Variants in PLD5 observed in about 807,000 individuals in gnomAD.
PLD5 encodes phospholipase D family member 5, also known as inactive phospholipase D5.
PLD5 carries 36 observed loss-of-function variants against 61.1 expected under a neutral mutation model. The ratio of observed to expected loss-of-function variants is 0.59; its 90% CI spans 0.45 to 0.78. The LOEUF (loss-of-function observed/expected upper bound fraction) is 0.78, where lower values mean the gene tolerates loss of function less well. Among genes scored for constraint, PLD5 ranks in the 30% least tolerant of loss-of-function variants. PLD5 has a pLI of 0.00. For missense variants in PLD5, 515 were observed against 644.4 expected (o/e 0.80, Z 2.17); for synonymous variants, 243 against 242.8 (o/e 1.00, Z -0.01).
At position 242,493,395 on chromosome 1, in the gene PLD5, C is replaced by T. The variant is rs548960290; in HGVS notation, c.189+30693G>A. Among the ~76,000 whole-genome samples, 101 of 152,246 alleles carry T rather than the reference C, an allele frequency of 6.6e-4. 1 individual carries two copies. Among genetic ancestry groups the T allele is most frequent in the Non-Finnish European group, 9.9e-4 (67 of 68,018 alleles). The stretch of plus-strand genomic sequence containing the variant: ...AAGCCTCGACATGCAGGGGTCAGAA[C>T]AGGAGGAGAGAGGCGAGCACCGGGT... On this transcript the variant is annotated intron_variant, in intron 1 of 9. Transcript: ENST00000536534.
At chr1:242,456,490 T>G (rs1409663205) in intron 1 of PLD5, among the ~76,000 whole-genome samples, 1 of 152,078 alleles carries the variant, frequency 6.6e-6, no homozygotes, top group Non-Finnish European at 1.5e-5. Context: ...AAAAAGAAAA[T>G]AAAATCTGTT....
intron 2 of PLD5, among the ~76,000 whole-genome samples, chr1:242,300,988 C>G (rs967094447): frequency 1.3e-5 from 2 of 152,144 alleles, no homozygotes; most frequent in African/African-American, 2.4e-5. Context: ...TGATGTCACG[C>G]GAGCTTGCCT....
intron 2 of PLD5, among the ~76,000 whole-genome samples, chr1:242,297,113 A>G (rs752217798): frequency 2.6e-5 from 4 of 152,114 alleles, no homozygotes; most frequent in Non-Finnish European, 4.4e-5. Flanking sequence ...TGGGAGGCCA[A>G]GGCAAGCAGA....
At chr1:242,316,970 T>C (rs1450269747) in intron 2 of PLD5, among the ~76,000 whole-genome samples, 1 of 152,180 alleles carries the variant, frequency 6.6e-6, no homozygotes, top group African/African-American at 2.4e-5. Context: ...CTGTATAGTA[T>C]TCCATGGTGT....
upstream of PLD5, among the ~76,000 whole-genome samples, chr1:242,528,559 G>A (rs189961475): frequency 6.6e-6 from 1 of 152,122 alleles, no homozygotes; most frequent in African/African-American, 2.4e-5. Context: ...CAAGAAGTGG[G>A]AGTATTTTAT....
chr1:242,464,700 T>C (rs1023291914), intron 1 of PLD5, among the ~76,000 whole-genome samples: 1 of 152,156 alleles, frequency 6.6e-6, no homozygotes, highest in Admixed American at 6.5e-5. Context: ...GAAACAAACA[T>C]ACATTTTCAT....
intron 5 of PLD5, among the ~76,000 whole-genome samples, chr1:242,197,023 T>C (rs1027569846): frequency 6.6e-6 from 1 of 152,040 alleles, no homozygotes; most frequent in Non-Finnish European, 1.5e-5. Flanking sequence ...CTCAGCCTCC[T>C]GAGTAAATGC....
intron 1 of PLD5, among the ~76,000 whole-genome samples, chr1:242,364,452 C>T (rs1350025372): frequency 2.6e-5 from 4 of 152,176 alleles, no homozygotes; most frequent in Non-Finnish European, 1.5e-5. Flanking sequence ...AGCAGTGGCT[C>T]ACATCTGTAA....
chr1:242,394,771 TATATATGTGTATATATGTGA>T lies in PLD5; in HGVS notation c.190-46549_190-46530del, dbSNP rs1663330701. Reference sequence around the variant, plus strand: ...GAACATATATGTGTATATATGTGAATATATATGTGTATATATGTGAATATATATGTGTATATATGTGAATA... The same window carrying T: ...GAACATATATGTGTATATATGTGAATATATATATGTGTATATATGTGAATA... On this transcript the variant is annotated intron_variant, in intron 1 of 9. Coordinates refer to ENST00000536534, the MANE Select transcript of PLD5 (RefSeq NM_001372062.1). Among the ~76,000 whole-genome samples, 6 of 28,154 alleles carry T rather than the reference TATATATGTGTATATATGTGA, an allele frequency of 2.1e-4. 2 individuals carry two copies. Among genetic ancestry groups the T allele is most frequent in the Admixed American group, 2.1e-3 (6 of 2,852 alleles). 18.5% of individuals were successfully genotyped at this position (28,154 alleles called of 152,430 possible). A position where few individuals can be genotyped will look rare whatever the true frequency, so the allele number is the denominator to read the frequency against.
intron 3 of PLD5, among the ~76,000 whole-genome samples, chr1:242,270,509 T>C (rs1448128988): frequency 6.6e-6 from 1 of 152,170 alleles, no homozygotes; most frequent in East Asian, 1.9e-4. Context: ...TTTGTTATGT[T>C]AAAGTCGGAA....
At chr1:242,153,374 T>G (rs1665095173) in intron 5 of PLD5, among the ~76,000 whole-genome samples, 1 of 150,554 alleles carries the variant, frequency 6.6e-6, no homozygotes, top group Non-Finnish European at 1.5e-5. Flanking sequence ...ATTTGTCAAT[T>G]TTGGCTTTTG....
chr1:242,298,478 T>G (rs577985800), intron 2 of PLD5, among the ~76,000 whole-genome samples: 1 of 152,202 alleles, frequency 6.6e-6, no homozygotes, highest in Non-Finnish European at 1.5e-5. Flanking sequence ...CTAGAGAGAA[T>G]GCCACTGAGC....
intron 2 of PLD5, among the ~76,000 whole-genome samples, chr1:242,317,133 A>G (rs1160239926): frequency 6.6e-6 from 1 of 151,446 alleles, no homozygotes; most frequent in Admixed American, 6.6e-5. Flanking sequence ...TCAGCCTCCC[A>G]AGTAGCTGTA....
chr1:242,445,374 C>T (rs577187538), intron 1 of PLD5, among the ~76,000 whole-genome samples: 68 of 152,200 alleles, frequency 4.5e-4, no homozygotes, highest in African/African-American at 1.3e-3. Flanking sequence ...CAGAGTCTTG[C>T]TCTGTCCTCC....
At chr1:242,265,524 C>T in intron 3 of PLD5, 76 bp from the exon 4 acceptor site, 1 of 1,224,588 alleles carries the variant, frequency 8.2e-7, no homozygotes, top group South Asian at 1.5e-5. Context: ...AAAATAAACT[C>T]ATTAAAATTA....
At chr1:242,396,899 C>T (rs369431159) in intron 1 of PLD5, among the ~76,000 whole-genome samples, 4 of 151,814 alleles carry the variant, frequency 2.6e-5, no homozygotes, top group African/African-American at 9.7e-5. Context: ...AGGATGGTCT[C>T]GATATCTTGA....
intron 1 of PLD5, among the ~76,000 whole-genome samples, chr1:242,500,996 A>G (rs1340214822): frequency 1.3e-5 from 2 of 151,974 alleles, no homozygotes; most frequent in African/African-American, 4.8e-5. Context: ...ATTTTTTTTA[A>G]CTTAAGTACC....
At chr1:242,099,225 A>G (rs151207553) in intron 9 of PLD5, among the ~76,000 whole-genome samples, 203 of 152,054 alleles carry the variant, frequency 1.3e-3, no homozygotes, top group African/African-American at 4.8e-3. Flanking sequence ...AGATTCAAGC[A>G]ATTCTCCCTG....
intron 5 of PLD5, among the ~76,000 whole-genome samples, chr1:242,146,294 C>T (rs1216540668): frequency 6.6e-6 from 1 of 152,196 alleles, no homozygotes; most frequent in Admixed American, 6.5e-5. Context: ...GTAGACTTCA[C>T]TTCCTGATTC....
Sources: allele counts gnomAD v4.1 joint callset (sites outside exome capture counted in the v4.1 genomes callset), GRCh38; gene constraint gnomAD v4.1.1; transcripts MANE v1.5; gene names NCBI Gene and HGNC (gene_info 2026-07-23, HGNC 2026-07-21).